The following CFAP61 variants were observed in gnomAD, a reference collection of about 807,000 sequenced individuals.
The protein encoded by CFAP61 is cilia- and flagella-associated protein 61.
In CFAP61, 107 loss-of-function variants were observed where a neutral mutation model predicts 135.6. That is an observed-to-expected ratio of 0.79 (90% CI 0.67 to 0.93). The LOEUF (loss-of-function observed/expected upper bound fraction) is 0.93, where lower values mean the gene tolerates loss of function less well. Ranked by LOEUF, CFAP61 falls within the 40% of genes least tolerant of loss-of-function variation. The pLI is 0.00. For missense variants in CFAP61, 1,507 were observed against 1,556.2 expected (o/e 0.97, Z 0.53); for synonymous variants, 575 against 578.5 (o/e 0.99, Z 0.09).
At chr20:20,248,065 A>C (rs1424564604) in intron 19 of CFAP61, among the ~76,000 whole-genome samples, 1 of 152,218 alleles carries the variant, frequency 6.6e-6, no homozygotes, top group Non-Finnish European at 1.5e-5. Context: ...TTATTCATTG[A>C]TTCATTGATG....
intron 25 of CFAP61, among the ~76,000 whole-genome samples, chr20:20,341,162 T>C (rs1360967619): frequency 2.0e-5 from 3 of 152,200 alleles, no homozygotes; most frequent in Admixed American, 6.5e-5. Flanking sequence ...AAGTTCCCTG[T>C]TCCAAGACAC....
At chr20:20,311,190 C>A (rs1035199300) in intron 25 of CFAP61, among the ~76,000 whole-genome samples, 4 of 152,144 alleles carry the variant, frequency 2.6e-5, no homozygotes, top group Non-Finnish European at 4.4e-5. Flanking sequence ...CCACAAAATG[C>A]AAAACTATCA....
chr20:20,262,851 A>C (rs2052376546), intron 20 of CFAP61, 105 bp from the exon 21 acceptor site: 1 of 507,678 alleles, frequency 2.0e-6, no homozygotes, highest in East Asian at 3.2e-5. Flanking sequence ...ATCTCGGGAC[A>C]GAAAAAGACA....
chr20:20,200,016 T>C, intron 17 of CFAP61, 114 bp downstream of exon 17: 1 of 1,243,390 alleles, frequency 8.0e-7, no homozygotes, highest in Non-Finnish European at 1.1e-6. Context: ...ACAGGGAACC[T>C]GGTGCTCATA....
chr20:20,077,839 G>T (rs2046164053), intron 6 of CFAP61, among the ~76,000 whole-genome samples: 1 of 152,180 alleles, frequency 6.6e-6, no homozygotes, highest in Non-Finnish European at 1.5e-5. Flanking sequence ...TTCTTATTGT[G>T]CAGATGAGGC....
intron 6 of CFAP61, chr20:20,085,638 G>C: frequency 1.6e-6 from 1 of 631,216 alleles, no homozygotes; most frequent in Non-Finnish European, 2.6e-6. Flanking sequence ...TATAGCTACA[G>C]AGTAATATTT....
chr20:20,171,590 C>T (rs996198), intron 13 of CFAP61, among the ~76,000 whole-genome samples: 1 of 152,242 alleles, frequency 6.6e-6, no homozygotes, highest in South Asian at 2.1e-4. Flanking sequence ...TTGTTGTTGC[C>T]GATGTCTCAA....
intron 16 of CFAP61, 99 bp downstream of exon 16, chr20:20,196,875 T>G: frequency 9.5e-7 from 1 of 1,047,834 alleles, no homozygotes; most frequent in Non-Finnish European, 1.5e-6. Context: ...TGATGGGTTT[T>G]GATGATAACA....
intron 3 of CFAP61, 64 bp from the exon 4 acceptor site, chr20:20,074,238 C>T: frequency 1.5e-6 from 2 of 1,363,284 alleles, no homozygotes; most frequent in Non-Finnish European, 2.1e-6. Context: ...CCTCTTTCCA[C>T]CCTGTGCTGA....
At chr20:20,182,378 A>G (rs1219022529) in intron 13 of CFAP61, among the ~76,000 whole-genome samples, 1 of 152,204 alleles carries the variant, frequency 6.6e-6, no homozygotes, top group Admixed American at 6.5e-5. Context: ...TTTCTCTAGC[A>G]AAAACACAGA....
intron 8 of CFAP61, among the ~76,000 whole-genome samples, chr20:20,105,180 G>T (rs114056779): frequency 6.6e-6 from 1 of 152,128 alleles, no homozygotes; most frequent in East Asian, 1.9e-4. Context: ...GATGTAAGCC[G>T]CACCCACCCA....
chr20:20,153,565 T>A (rs2052631145), intron 9 of CFAP61, among the ~76,000 whole-genome samples: 1 of 151,766 alleles, frequency 6.6e-6, no homozygotes, highest in Non-Finnish European at 1.5e-5. Flanking sequence ...ACAGCAACAT[T>A]CAAGACTGCT....
chr20:20,155,073 G>A (rs1251166643), intron 9 of CFAP61, among the ~76,000 whole-genome samples: 8 of 152,026 alleles, frequency 5.3e-5, no homozygotes, highest in African/African-American at 1.7e-4. Context: ...GTATAAAATA[G>A]GCATGTAGAC....
chr20:20,286,027 A>AAC (rs1403195551), intron 22 of CFAP61, among the ~76,000 whole-genome samples: 3 of 151,752 alleles, frequency 2.0e-5, no homozygotes, highest in Middle Eastern at 3.4e-3. Context: ...TAAAAAAAAA[A>AAC]AAAACACCTC....
At chr20:20,350,445 G>C (rs757436128) in intron 26 of CFAP61, among the ~76,000 whole-genome samples, 5 of 152,118 alleles carry the variant, frequency 3.3e-5, no homozygotes, top group Non-Finnish European at 5.9e-5. Flanking sequence ...CCTGGCCAAC[G>C]TGGTGAAACC....
intron 13 of CFAP61, among the ~76,000 whole-genome samples, chr20:20,180,062 T>C (rs1310778540): frequency 6.6e-6 from 1 of 152,214 alleles, no homozygotes; most frequent in African/African-American, 2.4e-5. Context: ...CAAAGGAAAC[T>C]GTCCACAGAG....
intron 18 of CFAP61, among the ~76,000 whole-genome samples, chr20:20,235,039 C>T (rs541683880): frequency 1.4e-4 from 22 of 152,058 alleles, no homozygotes; most frequent in Non-Finnish European, 2.4e-4. Context: ...CTTTCAAAGG[C>T]GGGAAGTGGC....
At chr20:20,335,044 T>C (rs977611789) in intron 25 of CFAP61, among the ~76,000 whole-genome samples, 1 of 152,236 alleles carries the variant, frequency 6.6e-6, no homozygotes, top group Non-Finnish European at 1.5e-5. Flanking sequence ...TAACCCTACC[T>C]GACAGTGTGA....
chr20:20,074,235 C>T (rs2146575710), intron 3 of CFAP61, 67 bp from the exon 4 acceptor site: 1 of 1,326,278 alleles, frequency 7.5e-7, no homozygotes, highest in Non-Finnish European at 1.1e-6. Flanking sequence ...AACCCTCTTT[C>T]CACCCTGTGC....
Sources: gnomAD v4.1 joint callset for allele counts (sites outside exome capture counted in the v4.1 genomes callset) on GRCh38, gnomAD v4.1.1 for gene constraint, MANE v1.5 for transcripts, NCBI Gene and HGNC (gene_info 2026-07-23, HGNC 2026-07-21) for gene names.